Variants in THSD7B observed in about 807,000 individuals in gnomAD.
THSD7B encodes thrombospondin type-1 domain-containing protein 7B.
THSD7B carries 138 observed loss-of-function variants against 213.6 expected under a neutral mutation model. The ratio of observed to expected loss-of-function variants is 0.65; its 90% CI spans 0.56 to 0.74. The LOEUF (loss-of-function observed/expected upper bound fraction) is 0.74. THSD7B is among the 30% of genes least tolerant of loss of function. The pLI is 0.00. For synonymous variants in THSD7B, 742 were observed against 687.0 expected (o/e 1.08, Z -1.25); for missense variants, 1,931 against 1,991.5 (o/e 0.97, Z 0.58).
intron 14 of THSD7B, among the ~76,000 whole-genome samples, chr2:137,414,338 A>G (rs1283630963): frequency 6.6e-6 from 1 of 151,816 alleles, no homozygotes; most frequent in Non-Finnish European, 1.5e-5. Flanking sequence ...TAGGGATATG[A>G]CATATACTTG....
intron 1 of THSD7B, among the ~76,000 whole-genome samples, chr2:136,787,919 G>A (rs542640544): frequency 7.2e-5 from 11 of 152,118 alleles, no homozygotes; most frequent in Non-Finnish European, 1.6e-4. Flanking sequence ...CTGGCTCTCA[G>A]ATCTGTGATT....
chr2:137,027,453 C>G (rs1216594157), intron 2 of THSD7B, among the ~76,000 whole-genome samples: 1 of 152,116 alleles, frequency 6.6e-6, no homozygotes, highest in Non-Finnish European at 1.5e-5. Flanking sequence ...GAAACCTTTG[C>G]CCAGAAGGAA....
rs560875213 is a variant in THSD7B at position 137,131,701 on chromosome 2, G to A, written c.1369+16408G>A. Among the ~76,000 whole-genome samples the A allele has an allele frequency of 8.7e-4, 132 of 152,178 alleles. 1 individual carries two copies. Among genetic ancestry groups the A allele is most frequent in the African/African-American group, 3.0e-3 (125 of 41,516 alleles). On this transcript the variant is annotated intron_variant, in intron 5 of 27. Coordinates refer to ENST00000409968, the MANE Select transcript of THSD7B (RefSeq NM_001316349.2). ...TATCAGATAGTTGTAGATATGCAGCGTTATTTCTGAGAGCTCTGTTCTGTT... is the reference window on the plus strand; with the variant it reads ...TATCAGATAGTTGTAGATATGCAGCATTATTTCTGAGAGCTCTGTTCTGTT...
chr2:137,311,422 T>C (rs1390790052), intron 12 of THSD7B, among the ~76,000 whole-genome samples: 2 of 152,124 alleles, frequency 1.3e-5, no homozygotes, highest in Non-Finnish European at 2.9e-5. Flanking sequence ...CAATGGGGTT[T>C]TCTAGTTATA....
At chr2:137,087,940 G>A (rs1000686548) in intron 3 of THSD7B, among the ~76,000 whole-genome samples, 1 of 152,030 alleles carries the variant, frequency 6.6e-6, no homozygotes, top group African/African-American at 2.4e-5. Flanking sequence ...CATGGTACTG[G>A]TATAAAATAG....
At chr2:137,364,207 A>T (rs1685346393) in intron 12 of THSD7B, among the ~76,000 whole-genome samples, 1 of 152,232 alleles carries the variant, frequency 6.6e-6, no homozygotes. Flanking sequence ...CTTCATGCTA[A>T]AAATTCTCAA....
intron 2 of THSD7B, among the ~76,000 whole-genome samples, chr2:137,005,407 C>T (rs1288046599): frequency 6.6e-6 from 1 of 152,206 alleles, no homozygotes; most frequent in Non-Finnish European, 1.5e-5. Context: ...CTCTGCATTG[C>T]CATCAGTGAA....
At chr2:137,067,208 T>A (rs1687398771) in intron 3 of THSD7B, among the ~76,000 whole-genome samples, 1 of 152,156 alleles carries the variant, frequency 6.6e-6, no homozygotes, top group African/African-American at 2.4e-5. Flanking sequence ...TTGCTTTAGC[T>A]TTTCAAACTA....
At chr2:136,976,110 C>T (rs570776499) in intron 2 of THSD7B, among the ~76,000 whole-genome samples, 1 of 152,312 alleles carries the variant, frequency 6.6e-6, no homozygotes, top group East Asian at 1.9e-4. Context: ...GATAAAAGAT[C>T]ATGTCATCTG....
chr2:136,896,797 A>G (rs1436691020), intron 2 of THSD7B, among the ~76,000 whole-genome samples: 1 of 152,172 alleles, frequency 6.6e-6, no homozygotes, highest in Non-Finnish European at 1.5e-5. Context: ...TGTAAAAACT[A>G]TGGAAATTCT....
intron 5 of THSD7B, among the ~76,000 whole-genome samples, chr2:137,159,125 T>G (rs1294215306): frequency 6.6e-6 from 1 of 152,068 alleles, no homozygotes; most frequent in Non-Finnish European, 1.5e-5. Context: ...TGTATTCTCA[T>G]GGTGCCTAGA....
At chr2:136,820,177 T>C (rs935327003) in intron 1 of THSD7B, among the ~76,000 whole-genome samples, 2 of 152,248 alleles carry the variant, frequency 1.3e-5, no homozygotes, top group African/African-American at 4.8e-5. Flanking sequence ...TTTCTTATTT[T>C]CTGTGATATC....
intron 2 of THSD7B, among the ~76,000 whole-genome samples, chr2:136,983,603 T>A (rs1220779925): frequency 1.3e-5 from 2 of 152,176 alleles, no homozygotes; most frequent in Non-Finnish European, 2.9e-5. Flanking sequence ...TATACAAAAT[T>A]TAAATCTGCA....
At position 137,663,655 on chromosome 2, in the gene THSD7B, A is replaced by C. The variant is rs1683394660; in HGVS notation, c.4651+80A>C. On this transcript the variant is annotated intron_variant, in intron 26 of 27. Transcript: ENST00000409968. ...TTGACCACTTCTCATGATGGAAAGAATGGAGGGAAGGAGGAAAAGAGGAGA... is the reference window on the plus strand; with the variant it reads ...TTGACCACTTCTCATGATGGAAAGACTGGAGGGAAGGAGGAAAAGAGGAGA... 7.0e-6 allele frequency: 9 copies of C among 1,285,302 alleles called. No individual in the cohort carries two copies. The East Asian group carries it at 2.2e-4, about 32-fold the overall frequency. 79.6% of individuals were successfully genotyped at this position (1,285,302 alleles called of 1,614,324 possible).
chr2:136,852,921 T>A (rs967743147), intron 1 of THSD7B, among the ~76,000 whole-genome samples: 6 of 152,182 alleles, frequency 3.9e-5, no homozygotes, highest in African/African-American at 1.2e-4. Context: ...ATGTTGAAAC[T>A]GCTTCAAATC....
rs184943962 is a variant in THSD7B, at chr2:137,490,909, C to T, written c.3138+39886C>T. Among the ~76,000 whole-genome samples the T allele has an allele frequency of 3.3e-5, 5 of 152,262 alleles. No individual in the cohort carries two copies. In the East Asian group the frequency reaches 7.7e-4, roughly 24 times the overall value. ...TAAATTCAAGCATGTTGTGGATTAT[C>T]CAAATAACCAGATTTTATCCAAACA... is the stretch of plus-strand genomic sequence containing the variant. On this transcript the variant is annotated intron_variant, in intron 15 of 27. Coordinates refer to ENST00000409968, the MANE Select transcript of THSD7B (RefSeq NM_001316349.2).
intron 17 of THSD7B, among the ~76,000 whole-genome samples, chr2:137,584,390 G>A (rs1316183101): frequency 1.3e-5 from 2 of 152,194 alleles, no homozygotes; most frequent in African/African-American, 4.8e-5. Flanking sequence ...CGAGTGGTGT[G>A]AGAGGACATT....
At chr2:137,036,605 C>T (rs914143462) in intron 2 of THSD7B, among the ~76,000 whole-genome samples, 1 of 152,086 alleles carries the variant, frequency 6.6e-6, no homozygotes, top group Non-Finnish European at 1.5e-5. Flanking sequence ...TTTTCCAATA[C>T]CTCTATTACT....
chr2:137,610,105 A>G (rs964962590), intron 17 of THSD7B, among the ~76,000 whole-genome samples: 9 of 152,190 alleles, frequency 5.9e-5, no homozygotes, highest in African/African-American at 2.2e-4. Flanking sequence ...GTTCAGAGAC[A>G]ATGGTTTGAG....
Sources: gnomAD v4.1 joint callset for allele counts (sites outside exome capture counted in the v4.1 genomes callset) on GRCh38, gnomAD v4.1.1 for gene constraint, MANE v1.5 for transcripts, NCBI Gene and HGNC (gene_info 2026-07-23, HGNC 2026-07-21) for gene names.